The following CACNA1H variants were observed in gnomAD, a reference collection of about 807,000 sequenced individuals.
The protein encoded by CACNA1H is voltage-dependent T-type calcium channel subunit alpha-1H.
Under a neutral mutation model 192.5 loss-of-function variants are expected in CACNA1H, and 149 were observed. The ratio of observed to expected loss-of-function variants is 0.77; its 90% CI spans 0.68 to 0.89. CACNA1H has a LOEUF of 0.89. Among genes scored for constraint, CACNA1H ranks in the 40% least tolerant of loss-of-function variants. The probability of loss-of-function intolerance (pLI) is 0.00; values close to 1 mark genes in which losing one functional copy is unlikely to be tolerated. For synonymous variants in CACNA1H, 2,202 were observed against 1,475.2 expected, an observed-to-expected ratio of 1.49 and a Z score of -11.29; for missense variants, 4,257 against 3,423.5, an observed-to-expected ratio of 1.24 and a Z score of -6.08.
intron 5 of CACNA1H, among the ~76,000 whole-genome samples, chr16:1,197,299 G>A (rs530626763): frequency 6.6e-5 from 10 of 152,378 alleles, no homozygotes; most frequent in African/African-American, 2.4e-4. Flanking sequence ...GGGGACGCGT[G>A]TGTGGCTCTT....
rs59954346 is a variant in CACNA1H, at chr16:1,209,337, C to T, written c.3669C>T (p.Ala1223=). Residue 1223 remains alanine (A), a synonymous_variant, in exon 17 of 35, where the codon GCC becomes GCT. Coordinates refer to ENST00000348261, the MANE Select transcript of CACNA1H (RefSeq NM_021098.3). The stretch of plus-strand genomic sequence containing the variant: ...GCGATCGCGACGGGCAGGTGGTGGC[C>T]CTGCCCAGCGACTTCTTCCTGCGCA... ...KCRDRDGQVV[A]LPSDFFLRID... The T allele has an allele frequency of 1.4e-3, 2,201 of 1,597,962 alleles. 2 individuals are homozygous for T. The highest frequency in any genetic ancestry group is 1.7e-3 in the Non-Finnish European group (2,029 of 1,179,456).
chr16:1,162,349 G>A lies in CACNA1H; in HGVS notation c.299+8313G>A, dbSNP rs1309896746. Among the ~76,000 whole-genome samples, 3 of 152,252 alleles carry A rather than the reference G, an allele frequency of 2.0e-5. No individual in the cohort carries two copies. The East Asian group carries it at 5.8e-4, about 29-fold the overall frequency. On this transcript the variant is annotated intron_variant, in intron 2 of 34. Coordinates refer to ENST00000348261, the MANE Select transcript of CACNA1H (RefSeq NM_021098.3). Reference sequence around the variant, plus strand: ...TGGGGGAGGCCCCCAGCACCTGCTTGGCCCTTTCCCCACCTCACCTGTGGG... The same window carrying A: ...TGGGGGAGGCCCCCAGCACCTGCTTAGCCCTTTCCCCACCTCACCTGTGGG...
chr16:1,172,648 C>T (rs749558551), intron 2 of CACNA1H, among the ~76,000 whole-genome samples: 32 of 152,228 alleles, frequency 2.1e-4, no homozygotes, highest in Non-Finnish European at 3.1e-4. Context: ...AAAGCAGCCG[C>T]TTTCCCATAA....
At chr16:1,169,011 C>G (rs1964088598) in intron 2 of CACNA1H, among the ~76,000 whole-genome samples, 1 of 152,076 alleles carries the variant, frequency 6.6e-6, no homozygotes, top group Non-Finnish European at 1.5e-5. Context: ...CGTTCTCTGC[C>G]AGGGTTACGA....
chr16:1,194,321 C>T (rs974744823), intron 2 of CACNA1H, among the ~76,000 whole-genome samples: 7 of 152,216 alleles, frequency 4.6e-5, no homozygotes, highest in Admixed American at 2.0e-4. Flanking sequence ...TTCCAAATGC[C>T]GGCTTCTACC....
At chr16:1,160,052 G>C (rs1022498435) in intron 2 of CACNA1H, 1 of 152,398 alleles carries the variant, frequency 6.6e-6, no homozygotes, top group Admixed American at 6.5e-5. Context: ...CAAACACTCC[G>C]GGGATGGATC....
intron 14 of CACNA1H, 34 bp downstream of exon 14, chr16:1,207,464 G>A (rs1405308713): frequency 6.2e-7 from 1 of 1,604,760 alleles, no homozygotes; most frequent in Admixed American, 1.7e-5. Flanking sequence ...GCCAGGAGGA[G>A]GGCGATGAGA....
At chr16:1,175,152 C>T (rs1964751554) in intron 2 of CACNA1H, among the ~76,000 whole-genome samples, 1 of 152,064 alleles carries the variant, frequency 6.6e-6, no homozygotes, top group Admixed American at 6.6e-5. Context: ...TAATGCCCTA[C>T]TGTGCGCGCG....
At chr16:1,213,689 A>C in intron 26 of CACNA1H, 91 bp from the exon 27 acceptor site, 9 of 1,015,716 alleles carry the variant, frequency 8.9e-6, no homozygotes, top group Non-Finnish European at 1.1e-5. Flanking sequence ...TCTACCCTAC[A>C]CTTGGCCACC....
At chr16:1,207,888 T>A (rs1567530957) in intron 15 of CACNA1H, 28 bp downstream of exon 15, 1 of 1,562,796 alleles carries the variant, frequency 6.4e-7, no homozygotes, top group Admixed American at 1.9e-5. Flanking sequence ...GTGGTCCGGG[T>A]TCTGGCGGGT....
At chr16:1,176,889 G>A (rs1964942324) in intron 2 of CACNA1H, among the ~76,000 whole-genome samples, 1 of 152,164 alleles carries the variant, frequency 6.6e-6, no homozygotes, top group Non-Finnish European at 1.5e-5. Context: ...GTGGCTTTCT[G>A]AGGGCTGAGT....
chr16:1,206,294 G>A lies in CACNA1H; in HGVS notation c.2789+5G>A, dbSNP rs1481528865. ...GCTCTTCATTTTCATCTTCAGGTGG[G>A]CGCAACCCCCCTCCCGGCCCGCCCA... On this transcript the variant is annotated splice_donor_5th_base_variant and intron_variant, in intron 12 of 34. Transcript: ENST00000348261. The A allele has an allele frequency of 6.4e-6, 10 of 1,551,644 alleles. No individual in the cohort carries two copies. Among genetic ancestry groups the A allele is most frequent in the Non-Finnish European group, 8.7e-6 (10 of 1,148,286 alleles).
intron 2 of CACNA1H, among the ~76,000 whole-genome samples, chr16:1,169,332 A>C (rs1964127094): frequency 6.6e-6 from 1 of 152,144 alleles, no homozygotes; most frequent in African/African-American, 2.4e-5. Context: ...CAGATGATGC[A>C]TGGGCTGGCA....
At chr16:1,170,289 C>A (rs1964234245) in intron 2 of CACNA1H, among the ~76,000 whole-genome samples, 1 of 152,212 alleles carries the variant, frequency 6.6e-6, no homozygotes, top group African/African-American at 2.4e-5. Context: ...CGCCTTCGGG[C>A]CTTTCCCTGG....
intron 8 of CACNA1H, 125 bp downstream of exon 8, chr16:1,200,933 A>T: frequency 8.5e-4 from 285 of 334,128 alleles, no homozygotes; most frequent in East Asian, 2.2e-3. Flanking sequence ...CACACAGGGG[A>T]GGGAGGCAGA....
intron 2 of CACNA1H, among the ~76,000 whole-genome samples, chr16:1,161,503 G>A (rs760779141): frequency 1.3e-5 from 2 of 152,178 alleles, no homozygotes; most frequent in Non-Finnish European, 2.9e-5. Flanking sequence ...AGCCCCAGAT[G>A]TTAAAGACTC....
chr16:1,184,621 G>C (rs1469577989), intron 2 of CACNA1H, among the ~76,000 whole-genome samples: 2 of 152,248 alleles, frequency 1.3e-5, no homozygotes, highest in Non-Finnish European at 2.9e-5. Flanking sequence ...GGGCTGGAGG[G>C]TGCCAGGAGT....
intron 8 of CACNA1H, among the ~76,000 whole-genome samples, chr16:1,201,188 G>A (rs1234679964): frequency 6.6e-6 from 1 of 152,150 alleles, no homozygotes; most frequent in Non-Finnish European, 1.5e-5. Flanking sequence ...CGTCTGTGGG[G>A]TCCTAGGTAT....
In CACNA1H at chr16:1,210,789, G is replaced by A. The variant is rs1387057597; in HGVS notation, c.4041G>A (p.Val1347=). The A allele has an allele frequency of 1.2e-6, 2 of 1,600,582 alleles. No homozygotes were observed. The highest frequency in any genetic ancestry group is 1.7e-6 in the Non-Finnish European group (2 of 1,179,616). The change falls in exon 21 of 35, where the codon GTG becomes GTA. Residue 1347 remains valine, a splice_region_variant and synonymous_variant. Coordinates refer to ENST00000348261, the MANE Select transcript of CACNA1H (RefSeq NM_021098.3). ...TCAGTGCCATTGGCCCTCCGCAGGT[G>A]GTGGCCCTGGGGCTGCTGTCCGGCG... The part of the protein sequence containing the change: ...AIFVAEMMVK[V]VALGLLSGEH...
Sources: gnomAD v4.1 joint callset for allele counts (sites outside exome capture counted in the v4.1 genomes callset) on GRCh38, gnomAD v4.1.1 for gene constraint, MANE v1.5 for transcripts, NCBI Gene and HGNC (gene_info 2026-07-23, HGNC 2026-07-21) for gene names.